The following NFU1 variants were observed in gnomAD, a reference collection of about 807,000 sequenced individuals.
The protein encoded by NFU1 is NFU1 iron-sulfur cluster scaffold, also known as NFU1 iron-sulfur cluster scaffold homolog, mitochondrial.
Under a neutral mutation model 32.2 loss-of-function variants are expected in NFU1, and 30 were observed. The ratio of observed to expected loss-of-function variants is 0.93; its 90% confidence interval spans 0.70 to 1.26. NFU1 has a LOEUF of 1.26. Among genes scored for constraint, NFU1 ranks in the 50% most tolerant of loss-of-function variants. NFU1 has a pLI of 0.00. For synonymous variants in NFU1, 112 were observed against 104.6 expected (o/e 1.07, Z -0.43); for missense variants, 306 against 306.6 (o/e 1.00, Z 0.02).
intron 6 of NFU1, among the ~76,000 whole-genome samples, chr2:69,404,615 A>ATATATTTTTTTT (rs1426118283): frequency 1.4e-5 from 1 of 73,008 alleles, no homozygotes; most frequent in African/African-American, 6.3e-5. Context: ...ATCTTAGCAA[A>ATATATTTTTTTT]TTTTTTTTTT....
intron 2 of NFU1, among the ~76,000 whole-genome samples, chr2:69,425,971 G>T (rs761144042): frequency 5.9e-5 from 9 of 152,036 alleles, no homozygotes; most frequent in Non-Finnish European, 1.3e-4. Flanking sequence ...ATATTTAAAA[G>T]ATATCTATTT....
chr2:69,406,694 C>T (rs1457261683), intron 5 of NFU1, among the ~76,000 whole-genome samples: 1 of 152,036 alleles, frequency 6.6e-6, no homozygotes, highest in Non-Finnish European at 1.5e-5. Context: ...CCTCAGCCTC[C>T]CAAGTAGTTT....
Position 69,437,342 on chromosome 2 carries a change from C to A in NFU1, c.62+19G>T, listed in dbSNP as rs1270879153. ...AGCCCAGCGGCACACCTATTCGGAG[C>A]TCCAGGCTCGTCACCTACCGCCTGC... On this transcript the variant is annotated intron_variant, in intron 1 of 7. Coordinates refer to ENST00000410022, the MANE Select transcript of NFU1 (RefSeq NM_001002755.4). The A allele has an allele frequency of 7.5e-6, 12 of 1,603,198 alleles. No homozygotes were observed. Among genetic ancestry groups the A allele is most frequent in the Non-Finnish European group, 1.0e-5 (12 of 1,176,672 alleles).
At chr2:69,412,729 G>A (rs980949866) in intron 5 of NFU1, among the ~76,000 whole-genome samples, 2 of 151,914 alleles carry the variant, frequency 1.3e-5, no homozygotes, top group African/African-American at 2.4e-5. Context: ...ATGGTGGCAG[G>A]AGCCTATAAT....
At chr2:69,431,860 A>C (rs761913349) in intron 2 of NFU1, 42 bp downstream of exon 2, 43 of 1,155,780 alleles carry the variant, frequency 3.7e-5, no homozygotes, top group Non-Finnish European at 2.1e-5. Context: ...CAGTTCCATC[A>C]GTTTCTGAAA....
intron 5 of NFU1, among the ~76,000 whole-genome samples, chr2:69,413,314 A>T (rs1301892936): frequency 7.1e-6 from 1 of 141,742 alleles, no homozygotes; most frequent in Non-Finnish European, 1.5e-5. Flanking sequence ...AAAACAAGGT[A>T]CCATTGTATA....
chr2:69,431,217 C>T (rs999609544), intron 2 of NFU1, among the ~76,000 whole-genome samples: 26 of 152,060 alleles, frequency 1.7e-4, no homozygotes, highest in African/African-American at 4.6e-4. Flanking sequence ...TGGATGAAAG[C>T]CAGAAATTTA....
intron 3 of NFU1, among the ~76,000 whole-genome samples, chr2:69,419,850 C>T (rs912544221): frequency 6.6e-6 from 1 of 152,138 alleles, no homozygotes; most frequent in Non-Finnish European, 1.5e-5. Flanking sequence ...TTCATAGCAG[C>T]TTCATTTAAA....
chr2:69,396,084 T>C (rs917198318), downstream of NFU1: 4 of 608,470 alleles, frequency 6.6e-6, no homozygotes, highest in Non-Finnish European at 1.1e-5. Flanking sequence ...CAAGAGGTTA[T>C]AAATAACTCA....
At chr2:69,425,422 G>A (rs908939317) in intron 2 of NFU1, among the ~76,000 whole-genome samples, 6 of 149,742 alleles carry the variant, frequency 4.0e-5, no homozygotes, top group Admixed American at 6.7e-5. Flanking sequence ...TGGCACAATC[G>A]TGGCTCACTG....
In NFU1 at chr2:69,396,212, C is replaced by G. The variant is rs772009041; in HGVS notation, c.*34G>C. ...AACTTGATATATATTATCAACAAGT[C>G]TGACTGTTATGCCCAAAGAAAATCC... is the stretch of plus-strand genomic sequence containing the variant. On this transcript the variant is annotated 3_prime_UTR_variant, in exon 8 of 8. Coordinates refer to ENST00000410022, the MANE Select transcript of NFU1 (RefSeq NM_001002755.4). 3.8e-6 allele frequency: 6 copies of G among 1,563,586 alleles called. No homozygotes were observed.
chr2:69,418,773 G>A (rs1673144812), intron 4 of NFU1, among the ~76,000 whole-genome samples: 1 of 151,802 alleles, frequency 6.6e-6, no homozygotes, highest in Non-Finnish European at 1.5e-5. Context: ...CCGGCCCCCA[G>A]TATGTCCACT....
intron 2 of NFU1, among the ~76,000 whole-genome samples, chr2:69,427,556 C>T (rs34249071): frequency 5.5e-4 from 76 of 139,048 alleles, no homozygotes; most frequent in Non-Finnish European, 1.0e-3. Flanking sequence ...AGTGTGCGTC[C>T]GTAGTCCCAG....
At chr2:69,422,276 C>G (rs993906980) in intron 3 of NFU1, among the ~76,000 whole-genome samples, 1 of 152,100 alleles carries the variant, frequency 6.6e-6, no homozygotes, top group African/African-American at 2.4e-5. Context: ...AAAAGCAGCA[C>G]AATTTAAAAC....
At chr2:69,439,099 C>T (rs1469620051), upstream of NFU1, among the ~76,000 whole-genome samples, 1 of 152,102 alleles carries the variant, frequency 6.6e-6, no homozygotes, top group African/African-American at 2.4e-5. Flanking sequence ...ACACTCTTTT[C>T]TTCCCTTCAG....
intron 5 of NFU1, among the ~76,000 whole-genome samples, chr2:69,409,055 C>T (rs1314978895): frequency 6.6e-6 from 1 of 151,418 alleles, no homozygotes; most frequent in Admixed American, 6.6e-5. Context: ...TTGGCCAGGC[C>T]GTTCTTGAAC....
chr2:69,437,705 C>CT, upstream of NFU1: 1 of 557,796 alleles, frequency 1.8e-6, no homozygotes, highest in Non-Finnish European at 3.2e-6. Context: ...TCCCTGTTGG[C>CT]TAGGTTTTTA....
At chr2:69,429,362 G>A (rs898097299) in intron 2 of NFU1, among the ~76,000 whole-genome samples, 4 of 151,522 alleles carry the variant, frequency 2.6e-5, no homozygotes, top group Admixed American at 6.6e-5. Flanking sequence ...GCAGAAGTTC[G>A]AGACCAGCCT....
intron 6 of NFU1, among the ~76,000 whole-genome samples, chr2:69,404,182 T>A (rs1372021481): frequency 6.6e-6 from 1 of 150,918 alleles, no homozygotes; most frequent in East Asian, 2.0e-4. Context: ...GATATTTCCA[T>A]GTACAACATG....
Sources: allele counts gnomAD v4.1 joint callset (sites outside exome capture counted in the v4.1 genomes callset), GRCh38; gene constraint gnomAD v4.1.1; transcripts MANE v1.5; gene names NCBI Gene and HGNC (gene_info 2026-07-23, HGNC 2026-07-21).